Variants in MBD6 observed in about 807,000 individuals in gnomAD.
MBD6 encodes the protein methyl-CpG-binding domain protein 6.
In MBD6, 22 loss-of-function variants were observed where a neutral mutation model predicts 66.8. The observed-to-expected ratio is 0.33, with a 90% CI of 0.24 to 0.47. The LOEUF is 0.47. Among genes scored for constraint, MBD6 ranks in the 20% least tolerant of loss-of-function variants. The probability of loss-of-function intolerance (pLI) is 1.00; values close to 1 mark genes in which losing one functional copy is unlikely to be tolerated. For missense variants in MBD6, 1,322 were observed against 1,286.9 expected (o/e 1.03, Z -0.42); for synonymous variants, 540 against 534.6 (o/e 1.01, Z -0.14).
In MBD6 at chr12:57,525,857, CTGCCCCTGGTCCTGG is replaced by C. The variant is rs774585074; in HGVS notation, c.890_904del (p.Leu297_Gly302delinsArg). The C allele has an allele frequency of 6.2e-7, 1 of 1,613,560 alleles. No individual in the cohort carries two copies. Among genetic ancestry groups the C allele is most frequent in the East Asian group, 2.2e-5 (1 of 44,844 alleles). ...ACCAGTGTCTTCAGCCACTATGCACCTGCCCCTGGTCCTGGGGCCCCTGGGAGGGGCCCCCACGGT... is the reference window on the plus strand; with the variant it reads ...ACCAGTGTCTTCAGCCACTATGCACCGGCCCCTGGGAGGGGCCCCCACGGT... On this transcript the variant is annotated inframe_deletion, in exon 6 of 13. Transcript: ENST00000355673.
chr12:57,529,425 C>A lies in MBD6; in HGVS notation c.*191C>A, dbSNP rs369788126. The A allele has an allele frequency of 2.5e-4, 132 of 520,524 alleles. 1 individual carries two copies. The highest frequency in any genetic ancestry group is 1.4e-3 in the African/African-American group (67 of 47,348). The allele number at this position is 520,524 out of a possible 1,614,324, so 32.2% of individuals were successfully genotyped here. On this transcript the variant is annotated 3_prime_UTR_variant, in exon 13 of 13. Transcript: ENST00000355673. ...CAGGGGGCAGGGAAGTTCACCCCCCCCCACCACCCCCCCGCCCCCCCGAAG... is the reference window on the plus strand; with the variant it reads ...CAGGGGGCAGGGAAGTTCACCCCCCACCACCACCCCCCCGCCCCCCCGAAG...
Position 57,526,748 on chromosome 12 carries a change from C to T in MBD6, c.1603C>T (p.Pro535Ser), listed in dbSNP as rs564510409. The change falls in exon 7 of 13, where the codon CCT becomes TCT. Residue 535 changes from proline (P) to serine (S), a missense_variant. Pro to Ser is a moderately conservative substitution (Grantham distance 74, BLOSUM62 -1). Coordinates refer to ENST00000355673, the MANE Select transcript of MBD6 (RefSeq NM_052897.4). ...CCTGGCACTGAGTGGAGCTGGCTTC[C>T]CTGGGATGCTTGGGGCCTTGCCTCT... ...QGLALSGAGF[P>S]GMLGALPLPL... 5.4e-5 allele frequency: 85 copies of T among 1,581,074 alleles called. 1 individual carries two copies. In the South Asian group the frequency reaches 9.2e-4, roughly 17 times the overall value.
intron 8 of MBD6, 55 bp from the exon 9 acceptor site, chr12:57,527,793 G>C: frequency 6.3e-7 from 1 of 1,594,858 alleles, no homozygotes. Flanking sequence ...TAGTAGGTCT[G>C]CTCAGCCTAA....
At chr12:57,528,916 G>A in intron 11 of MBD6, 30 bp from the exon 12 acceptor site, 1 of 1,614,086 alleles carries the variant, frequency 6.2e-7, no homozygotes, top group East Asian at 2.2e-5. Flanking sequence ...CTTGGGAGCT[G>A]TTCCTGATCA....
At position 57,526,062 on chromosome 12, in the gene MBD6, G is replaced by A. The variant is rs755084156; in HGVS notation, c.1094G>A (p.Arg365His). The change falls in exon 6 of 13, where the codon CGT (arginine) becomes CAT (histidine). Residue 365 changes from arginine to histidine, a missense_variant. Physicochemically the swap from Arg to His is conservative, Grantham distance 29 (BLOSUM62 0). Coordinates refer to ENST00000355673, the MANE Select transcript of MBD6 (RefSeq NM_052897.4). ...TCATCACTTCGTCCCTCTCAGCGTC[G>A]TCCCCGCAGACCCCCTACTGTATTT... ...HSSSLRPSQR[R>H]PRRPPTVFRL... The A allele has an allele frequency of 1.5e-5, 24 of 1,612,896 alleles. No homozygotes were observed. The highest frequency in any genetic ancestry group is 2.2e-5 in the East Asian group (1 of 44,818).
In MBD6 at chr12:57,527,638, TCTGCTGGGTGCCAGC is replaced by T. The variant is rs1206813364; in HGVS notation, c.2225_2236+3del. 2 of 1,604,626 alleles carry T rather than the reference TCTGCTGGGTGCCAGC, an allele frequency of 1.2e-6. No homozygotes were observed. Among genetic ancestry groups the T allele is most frequent in the Non-Finnish European group, 1.7e-6 (2 of 1,175,716 alleles). On this transcript the variant is annotated inframe_deletion, in exon 8 of 13. Transcript: ENST00000355673. ...GGAGACCCCCCCAACTCCTTAGCCCTCTGCTGGGTGCCAGCCTGCTGGGTGAGTCTGAGGGAGTGT... is the reference window on the plus strand; with the variant it reads ...GGAGACCCCCCCAACTCCTTAGCCCTCTGCTGGGTGAGTCTGAGGGAGTGT...
In MBD6 at chr12:57,525,380, G is replaced by C. The variant is rs1223980842; in HGVS notation, c.412G>C (p.Val138Leu). The C allele has an allele frequency of 1.3e-6, 2 of 1,564,226 alleles. No homozygotes were observed. The highest frequency in any genetic ancestry group is 1.7e-6 in the Non-Finnish European group (2 of 1,161,020). ...EGASPQMFHT[V>L]SPGPPSARPP... is the part of the protein sequence containing the mutation. ...AGCGAGCCCCCAAATGTTCCACACTGTGTCCCCAGGGCCCCCCTCTGCCCG... is the reference window on the plus strand; with the variant it reads ...AGCGAGCCCCCAAATGTTCCACACTCTGTCCCCAGGGCCCCCCTCTGCCCG... The change falls in exon 6 of 13, where the codon GTG becomes CTG. Residue 138 changes from valine to leucine, a missense_variant. Transcript: ENST00000355673.
rs1180244056 is a variant in MBD6, at chr12:57,529,242, A to T, written c.*8A>T. The T allele has an allele frequency of 2.5e-6, 4 of 1,613,860 alleles. No homozygotes were observed. Among genetic ancestry groups the T allele is most frequent in the Middle Eastern group, 3.3e-4 (2 of 6,084 alleles). On this transcript the variant is annotated 3_prime_UTR_variant, in exon 13 of 13. Coordinates refer to ENST00000355673, the MANE Select transcript of MBD6 (RefSeq NM_052897.4). ...AGGAAACTGGCCCCATAGCAGCCAT[A>T]CCTGGAGCTGGATCTGACCCTGATT...
At chr12:57,521,118 T>G (rs1323077341), upstream of MBD6, 1 of 152,310 alleles carries the variant, frequency 6.6e-6, no homozygotes, top group Non-Finnish European at 1.5e-5. Flanking sequence ...AACTTTTCTT[T>G]TTAAAGTTGG....
rs1878808839 is a variant in MBD6 at position 57,525,392 on chromosome 12, C to T, written c.424C>T (p.Pro142Ser). ...PQMFHTVSPG[P>S]PSARPPCRVP... ...AATGTTCCACACTGTGTCCCCAGGG[C>T]CCCCCTCTGCCCGCCCTCCCTGTCG... Residue 142 changes from proline to serine, a missense_variant, in exon 6 of 13, where the codon CCC becomes TCC. Coordinates refer to ENST00000355673, the MANE Select transcript of MBD6 (RefSeq NM_052897.4). 3 of 1,543,956 alleles carry T rather than the reference C, an allele frequency of 1.9e-6. No individual in the cohort carries two copies. Among genetic ancestry groups the T allele is most frequent in the East Asian group, 2.2e-5 (1 of 44,492 alleles).
At chr12:57,525,154 C>T in intron 5 of MBD6, 39 bp downstream of exon 5, 2 of 1,589,252 alleles carry the variant, frequency 1.3e-6, no homozygotes, top group African/African-American at 2.7e-5. Flanking sequence ...CGAGGAAAAC[C>T]TAAGGGCTTG....
downstream of MBD6, chr12:57,530,626 G>A: frequency 2.2e-6 from 3 of 1,391,426 alleles, no homozygotes; most frequent in South Asian, 3.6e-5. Flanking sequence ...GAAACCCTAT[G>A]TAAGCTGTTA....
intron 1 of MBD6, chr12:57,523,433 T>G (rs529653671): frequency 6.6e-6 from 1 of 152,046 alleles, no homozygotes; most frequent in Admixed American, 6.6e-5. Context: ...CGGAAGCCAG[T>G]GGAATAGGAG....
chr12:57,524,290 G>C lies in MBD6; in HGVS notation c.-14G>C. ...TGTCTGTGTTATCAGGCACGCGGGA[G>C]CTGATTACACACAATGAATGGGGGC... On this transcript the variant is annotated 5_prime_UTR_variant, in exon 3 of 13. Coordinates refer to ENST00000355673, the MANE Select transcript of MBD6 (RefSeq NM_052897.4). 6.5e-7 allele frequency: 1 copy of C among 1,528,654 alleles called. No homozygotes were observed. Among genetic ancestry groups the C allele is most frequent in the Non-Finnish European group, 8.8e-7 (1 of 1,135,814 alleles). 94.7% of individuals were successfully genotyped at this position (1,528,654 alleles called of 1,614,324 possible). A position where few individuals can be genotyped will look rare whatever the true frequency, so the allele number is the denominator to read the frequency against.
chr12:57,528,618 T>C (rs770157149), intron 10 of MBD6, 48 bp from the exon 11 acceptor site: 1 of 1,613,646 alleles, frequency 6.2e-7, no homozygotes, highest in Non-Finnish European at 8.5e-7. Context: ...GTTGGGGCTT[T>C]GGAGCCTTTT....
rs761356649 is a variant in MBD6, at chr12:57,526,522, GAGAAAGGGC to G, written c.1421-43_1421-35del. On this transcript the variant is annotated intron_variant, in intron 6 of 12. Transcript: ENST00000355673. ...GGAGGTTGGCTTCTTTGGATGATGGGAGAAAGGGCCTCCCTTGAGCTGAATTTCTCTCCT... is the reference window on the plus strand; with the variant it reads ...GGAGGTTGGCTTCTTTGGATGATGGGCTCCCTTGAGCTGAATTTCTCTCCT... The G allele has an allele frequency of 5.3e-6, 8 of 1,513,002 alleles. No homozygotes were observed. The South Asian group carries it at 8.1e-5, about 15-fold the overall frequency. 93.7% of individuals were successfully genotyped at this position (1,513,002 alleles called of 1,614,324 possible).
downstream of MBD6, chr12:57,530,848 C>A: frequency 7.8e-7 from 1 of 1,274,310 alleles, no homozygotes; most frequent in Non-Finnish European, 1.1e-6. Flanking sequence ...TGAAGGAATT[C>A]TCTGAGAGAG....
At chr12:57,529,099 A>C (rs1040953658) in intron 12 of MBD6, 61 bp from the exon 13 acceptor site, 5 of 1,613,036 alleles carry the variant, frequency 3.1e-6, no homozygotes, top group Middle Eastern at 1.6e-4. Context: ...AGTGGGGAGA[A>C]AAGAAGACTT....
chr12:57,525,185 G>A, intron 5 of MBD6, 70 bp downstream of exon 5: 1 of 1,559,292 alleles, frequency 6.4e-7, no homozygotes, highest in Non-Finnish European at 8.7e-7. Context: ...GGTGGGAGGA[G>A]TTCCTTGAGA....
Sources: allele counts gnomAD v4.1 joint callset, GRCh38; gene constraint gnomAD v4.1.1; transcripts MANE v1.5; gene names NCBI Gene and HGNC (gene_info 2026-07-23, HGNC 2026-07-21).